ZNF211: variants seen among roughly 807,000 people sequenced by gnomAD.
ZNF211 encodes the protein zinc finger protein 211.
ZNF211 carries 18 observed loss-of-function variants against 12.1 expected under a neutral mutation model. The ratio of observed to expected loss-of-function variants is 1.48; its 90% confidence interval spans 1.03 to 2.20. The LOEUF is 2.20. Among genes scored for constraint, ZNF211 ranks in the 30% most tolerant of loss-of-function variants. The pLI is 0.00. For missense variants in ZNF211, 677 were observed against 703.1 expected, an observed-to-expected ratio of 0.96 and a Z score of 0.42; for synonymous variants, 249 against 246.0, an observed-to-expected ratio of 1.01 and a Z score of -0.11.
At chr19:57,633,517 C>T (rs567367930) in intron 1 of ZNF211, 81 bp downstream of exon 1, 1 of 1,508,298 alleles carries the variant, frequency 6.6e-7, no homozygotes, top group African/African-American at 1.4e-5. Flanking sequence ...GTCTCTGTAG[C>T]ACAGGGTCGG....
rs1388236538 is a variant in ZNF211 at position 57,643,011 on chromosome 19, A to G, written c.*830A>G. On this transcript the variant is annotated 3_prime_UTR_variant, in exon 4 of 4. Transcript: ENST00000240731. ...GGTCTTAATTCGTGGACTGGATGCAAGGATTTTTTGTGGGCTCAAAGGACA... is the reference window on the plus strand; with the variant it reads ...GGTCTTAATTCGTGGACTGGATGCAGGGATTTTTTGTGGGCTCAAAGGACA... Among the ~76,000 whole-genome samples the G allele has an allele frequency of 1.3e-5, 2 of 152,160 alleles. No homozygotes were observed. Among genetic ancestry groups the G allele is most frequent in the African/African-American group, 4.8e-5 (2 of 41,442 alleles).
intron 3 of ZNF211, chr19:57,640,216 T>C (rs1021204541): frequency 8.4e-6 from 8 of 955,916 alleles, no homozygotes; most frequent in East Asian, 5.3e-5. Flanking sequence ...TTTTGACTTC[T>C]AGCTAACGCT....
intron 3 of ZNF211, 97 bp downstream of exon 3, chr19:57,634,852 C>T: frequency 7.4e-7 from 1 of 1,350,420 alleles, no homozygotes; most frequent in Non-Finnish European, 9.6e-7. Flanking sequence ...ACTATAGGCA[C>T]TGCCTCCTTC....
chr19:57,636,450 T>C (rs1164267145), intron 3 of ZNF211, among the ~76,000 whole-genome samples: 1 of 152,220 alleles, frequency 6.6e-6, no homozygotes, highest in Non-Finnish European at 1.5e-5. Context: ...CTTTCACATG[T>C]AGATATCCAG....
Position 57,634,615 on chromosome 19 carries a change from C to G in ZNF211, c.130-14C>G. 1 of 1,545,528 alleles carries G rather than the reference C, an allele frequency of 6.5e-7. No individual in the cohort carries two copies. The highest frequency in any genetic ancestry group is 8.7e-7 in the Non-Finnish European group (1 of 1,146,586). On this transcript the variant is annotated splice_polypyrimidine_tract_variant and intron_variant, in intron 2 of 3. Transcript: ENST00000240731. ...TGAGACTGTTCATGGTTTCATCAAT[C>G]CCTATTATGCTAGGGAAGTGTGACC...
chr19:57,641,537 A>G lies in ZNF211; in HGVS notation c.1090A>G (p.Ser364Gly). ...YECGECGKSF[S>G]QRSNLMQHRR... ...ATGTGGGGAATGTGGGAAATCTTTTAGCCAAAGGTCCAACCTCATGCAGCA... is the reference window on the plus strand; with the variant it reads ...ATGTGGGGAATGTGGGAAATCTTTTGGCCAAAGGTCCAACCTCATGCAGCA... The change falls in exon 4 of 4, where the codon AGC becomes GGC. Residue 364 changes from serine to glycine, a missense_variant. By Grantham distance (56) the Ser-to-Gly change is moderately conservative. Coordinates refer to ENST00000240731, the MANE Select transcript of ZNF211 (RefSeq NM_006385.5). The G allele has an allele frequency of 6.2e-7, 1 of 1,614,204 alleles. No homozygotes were observed. The highest frequency in any genetic ancestry group is 1.1e-5 in the South Asian group (1 of 91,080).
Position 57,638,775 on chromosome 19 carries a change from C to G in ZNF211, c.257-1929C>G, listed in dbSNP as rs555278610. Among the ~76,000 whole-genome samples, 36 of 152,264 alleles carry G rather than the reference C, an allele frequency of 2.4e-4. 1 individual carries two copies. The South Asian group carries it at 7.5e-3, about 32-fold the overall frequency. ...GTTTTCTCTCTTCTCTCTGATTGTT[C>G]TATCCGCTGCTGAGAGTCAGGTATT... On this transcript the variant is annotated intron_variant, in intron 3 of 3. Coordinates refer to ENST00000240731, the MANE Select transcript of ZNF211 (RefSeq NM_006385.5).
chr19:57,641,078 A>G lies in ZNF211; in HGVS notation c.631A>G (p.Met211Val), dbSNP rs780211852. Residue 211 changes from methionine (M) to valine (V), a missense_variant, in exon 4 of 4, where the codon ATG becomes GTG. Coordinates refer to ENST00000240731, the MANE Select transcript of ZNF211 (RefSeq NM_006385.5). ...REIRKDFLANMRFLHQDATQT... is the reference protein window; with the variant it reads ...REIRKDFLANVRFLHQDATQT... The stretch of plus-strand genomic sequence containing the variant: ...GATCAGGAAAGACTTCCTGGCCAAC[A>G]TGAGGTTTCTCCATCAAGACGCCAC... 15 of 1,614,206 alleles carry G rather than the reference A, an allele frequency of 9.3e-6. No homozygotes were observed. The South Asian group carries it at 1.3e-4, about 14-fold the overall frequency.
rs755627362 is a variant in ZNF211 at position 57,641,225 on chromosome 19, G to C, written c.778G>C (p.Asp260His). ...TAGCCACATAGACACACTTGTTCAG[G>C]ACCAGAGAATCCTCACTAGAGAAGG... ...AFSHIDTLVQDQRILTREGLF... is the reference protein window; with the variant it reads ...AFSHIDTLVQHQRILTREGLF... Residue 260 changes from aspartate (D) to histidine (H), a missense_variant, in exon 4 of 4, where the codon GAC becomes CAC. Transcript: ENST00000240731. 3.1e-6 allele frequency: 5 copies of C among 1,614,090 alleles called. No homozygotes were observed. The highest frequency in any genetic ancestry group is 2.5e-6 in the Non-Finnish European group (3 of 1,180,054).
intron 3 of ZNF211, among the ~76,000 whole-genome samples, chr19:57,636,533 G>A (rs943493554): frequency 2.1e-4 from 32 of 152,070 alleles, no homozygotes; most frequent in African/African-American, 6.5e-4. Flanking sequence ...GATATTTGAG[G>A]GTTTATTTCT....
At chr19:57,636,569 A>G (rs1325380230) in intron 3 of ZNF211, among the ~76,000 whole-genome samples, 1 of 152,128 alleles carries the variant, frequency 6.6e-6, no homozygotes, top group Non-Finnish European at 1.5e-5. Context: ...CCATTGATCT[A>G]TATGTCTTTC....
chr19:57,640,957 C>G lies in ZNF211; in HGVS notation c.510C>G (p.His170Gln). The G allele has an allele frequency of 1.2e-6, 2 of 1,614,230 alleles. No homozygotes were observed. The highest frequency in any genetic ancestry group is 1.7e-6 in the Non-Finnish European group (2 of 1,180,042). Residue 170 changes from histidine to glutamine, a missense_variant, in exon 4 of 4, where the codon CAC (histidine) becomes CAG (glutamine). Physicochemically the swap from His to Gln is conservative, Grantham distance 24. Transcript: ENST00000240731. ...SANLQQHQRQ[H>Q]ITEAPFRSYV... ...ATCTTCAACAGCACCAGAGGCAGCA[C>G]ATTACAGAGGCACCTTTCAGAAGTT...
At chr19:57,635,848 C>T (rs2122175964) in intron 3 of ZNF211, among the ~76,000 whole-genome samples, 1 of 152,298 alleles carries the variant, frequency 6.6e-6, no homozygotes, top group East Asian at 1.9e-4. Context: ...TACATTCCCA[C>T]AAGCAGCTGA....
At chr19:57,638,760 T>G (rs1982461816) in intron 3 of ZNF211, among the ~76,000 whole-genome samples, 1 of 152,196 alleles carries the variant, frequency 6.6e-6, no homozygotes, top group South Asian at 2.1e-4. Context: ...GTTTTCTCTC[T>G]TCTCTCTGAT....
At chr19:57,634,101 T>G (rs373392632) in intron 2 of ZNF211, 40 bp downstream of exon 2, 397 of 1,522,382 alleles carry the variant, frequency 2.6e-4, no homozygotes, top group Non-Finnish European at 3.4e-4. Context: ...GTCTGGAATG[T>G]CCCTCCACCC....
intron 2 of ZNF211, 133 bp from the exon 3 acceptor site, chr19:57,634,496 G>C (rs1981885382): frequency 1.9e-6 from 2 of 1,071,342 alleles, no homozygotes; most frequent in South Asian, 4.3e-5. Flanking sequence ...TGAAGAGACA[G>C]CAGGGATCAA....
At chr19:57,633,721 G>A in intron 1 of ZNF211, 1 of 1,533,386 alleles carries the variant, frequency 6.5e-7, no homozygotes, top group Non-Finnish European at 8.7e-7. Flanking sequence ...AGGGCCGTGG[G>A]AGCCATAGAG....
chr19:57,634,416 AT>A, intron 2 of ZNF211: 1 of 540,508 alleles, frequency 1.9e-6, no homozygotes, highest in Non-Finnish European at 2.9e-6. Flanking sequence ...GAGGAGGGAG[AT>A]TTATCTAACC....
chr19:57,643,138 G>A lies in ZNF211; in HGVS notation c.*957G>A, dbSNP rs1463688820. 6.6e-6 allele frequency among the ~76,000 whole-genome samples: 1 copy of A among 151,982 alleles called. No individual in the cohort carries two copies. The highest frequency in any genetic ancestry group is 6.6e-5 in the Admixed American group (1 of 15,248). Reference sequence around the variant, plus strand: ...TTATTACATACTGCCCAGCACTGTTGAGGCAGTCTACCCCCAGTGCTGCCA... The same window carrying A: ...TTATTACATACTGCCCAGCACTGTTAAGGCAGTCTACCCCCAGTGCTGCCA... On this transcript the variant is annotated 3_prime_UTR_variant, in exon 4 of 4. Transcript: ENST00000240731.
Sources: allele counts gnomAD v4.1 joint callset (sites outside exome capture counted in the v4.1 genomes callset), GRCh38; gene constraint gnomAD v4.1.1; transcripts MANE v1.5; gene names NCBI Gene and HGNC (gene_info 2026-07-23, HGNC 2026-07-21).